Variants in KANK1 observed in about 807,000 individuals in gnomAD.
The protein encoded by KANK1 is KN motif and ankyrin repeat domain-containing protein 1.
KANK1 carries 109 observed loss-of-function variants against 106.2 expected under a neutral mutation model. That is an observed-to-expected ratio of 1.03 (90% CI 0.88 to 1.20). KANK1 has a LOEUF of 1.20. KANK1 is among the 50% of genes most tolerant of loss of function. The pLI is 0.00. For synonymous variants in KANK1, 873 were observed against 652.2 expected (o/e 1.34, Z -5.16); for missense variants, 2,399 against 1,710.7 (o/e 1.40, Z -7.10).
At chr9:567,384 T>C (rs79796295) in intron 1 of KANK1, among the ~76,000 whole-genome samples, 1,836 of 152,348 alleles carry the variant, frequency 0.012, 42 homozygotes, top group African/African-American at 0.042. Flanking sequence ...TCATTAGCTT[T>C]ACAAAGTTGA....
intron 1 of KANK1, among the ~76,000 whole-genome samples, chr9:508,884 C>G (rs2058899566): frequency 6.6e-6 from 1 of 152,118 alleles, no homozygotes; most frequent in African/African-American, 2.4e-5. Flanking sequence ...TACACAATAT[C>G]CAATACAAAT....
intron 3 of KANK1, among the ~76,000 whole-genome samples, chr9:484,974 C>T (rs2132220150): frequency 6.6e-6 from 1 of 151,990 alleles, no homozygotes; most frequent in East Asian, 1.9e-4. Flanking sequence ...ATAAATGTGT[C>T]AATGCTTTGG....
intron 1 of KANK1, among the ~76,000 whole-genome samples, chr9:625,408 T>A (rs1834110310): frequency 6.6e-6 from 1 of 152,192 alleles, no homozygotes; most frequent in Non-Finnish European, 1.5e-5. Flanking sequence ...AAACCTTGTT[T>A]CCAGTTTTCC....
Position 707,443 on chromosome 9 carries a change from G to A in KANK1, c.38-3361G>A, listed in dbSNP as rs117489690. On this transcript the variant is annotated intron_variant, in intron 2 of 11. Coordinates refer to ENST00000382297, the MANE Select transcript of KANK1 (RefSeq NM_015158.5). ...CCGGATCAGCCTGCCTGACAGCCAA[G>A]CTGCAGCTTCTCTCCTGTTAATGGA... Among the ~76,000 whole-genome samples, 923 of 152,316 alleles carry A rather than the reference G, an allele frequency of 6.1e-3. 6 individuals are homozygous for A. Among genetic ancestry groups the A allele is most frequent in the Non-Finnish European group, 8.9e-3 (603 of 68,026 alleles).
intron 3 of KANK1, among the ~76,000 whole-genome samples, chr9:728,547 A>AT (rs763118348): frequency 3.7e-4 from 56 of 152,220 alleles, no homozygotes; most frequent in Non-Finnish European, 7.1e-4. Context: ...CTTGTGGGGA[A>AT]TATCTACATT....
chr9:705,610 G>T (rs1364271974), intron 2 of KANK1, among the ~76,000 whole-genome samples: 1 of 151,626 alleles, frequency 6.6e-6, no homozygotes, highest in Admixed American at 6.6e-5. Flanking sequence ...GGGGGGGTGG[G>T]GGCGGAGATG....
Position 745,494 on chromosome 9 carries a change from A to T in KANK1, c.*259A>T, listed in dbSNP as rs1211220373. 1 of 370,492 alleles carries T rather than the reference A, an allele frequency of 2.7e-6. No homozygotes were observed. Among genetic ancestry groups the T allele is most frequent in the Admixed American group, 4.6e-5 (1 of 21,558 alleles). 23.0% of individuals were successfully genotyped at this position (370,492 alleles called of 1,614,324 possible). A position where few individuals can be genotyped will look rare whatever the true frequency, so the allele number is the denominator to read the frequency against. The stretch of plus-strand genomic sequence containing the variant: ...CTGTTGAGTCTCTGCTCCGTTTTGT[A>T]CAGTCACAGGGAATTCTGATCTGAA... On this transcript the variant is annotated 3_prime_UTR_variant, in exon 12 of 12. Transcript: ENST00000382297.
intron 1 of KANK1, among the ~76,000 whole-genome samples, chr9:526,631 C>G (rs2059804886): frequency 6.6e-6 from 1 of 151,808 alleles, no homozygotes; most frequent in Admixed American, 6.5e-5. Context: ...TTCAAAAAGT[C>G]AAGTTGTTCT....
At chr9:651,390 T>C (rs1840851322) in intron 1 of KANK1, among the ~76,000 whole-genome samples, 1 of 152,216 alleles carries the variant, frequency 6.6e-6, no homozygotes, top group South Asian at 2.1e-4. Context: ...TAATTTCTGC[T>C]TCCATCATAC....
intron 1 of KANK1, among the ~76,000 whole-genome samples, chr9:557,871 G>A (rs1815257685): frequency 6.6e-6 from 1 of 152,196 alleles, no homozygotes; most frequent in Admixed American, 6.5e-5. Context: ...TGGGCATGGT[G>A]GCACACGCCT....
At chr9:702,442 C>G (rs1004203227) in intron 2 of KANK1, among the ~76,000 whole-genome samples, 5 of 152,024 alleles carry the variant, frequency 3.3e-5, no homozygotes, top group African/African-American at 1.2e-4. Context: ...GTTCGGTGCC[C>G]CCAGCTCCGA....
At chr9:603,065 A>G (rs1219864305) in intron 1 of KANK1, among the ~76,000 whole-genome samples, 1 of 151,824 alleles carries the variant, frequency 6.6e-6, no homozygotes, top group Non-Finnish European at 1.5e-5. Flanking sequence ...TGTTTCTTAC[A>G]TATGGGGAAA....
At chr9:496,106 T>A (rs1042557134) in intron 3 of KANK1, among the ~76,000 whole-genome samples, 1 of 152,218 alleles carries the variant, frequency 6.6e-6, no homozygotes, top group African/African-American at 2.4e-5. Context: ...TTCTTGCAGC[T>A]ATTTGAACCT....
intron 1 of KANK1, among the ~76,000 whole-genome samples, chr9:630,276 G>A (rs1023702885): frequency 1.4e-5 from 2 of 145,792 alleles, no homozygotes; most frequent in South Asian, 4.5e-4. Flanking sequence ...GAGTTGGGGG[G>A]CAGGCACGGT....
intron 2 of KANK1, among the ~76,000 whole-genome samples, chr9:685,076 T>C (rs940091733): frequency 4.6e-5 from 7 of 152,196 alleles, no homozygotes. Context: ...GTTGGATATT[T>C]TTGGAGTGAG....
intron 2 of KANK1, among the ~76,000 whole-genome samples, chr9:703,920 G>C (rs1261294665): frequency 6.6e-6 from 1 of 152,040 alleles, no homozygotes; most frequent in African/African-American, 2.4e-5. Context: ...CACCATGTTG[G>C]ACAGACTGGT....
rs181612773 is a variant in KANK1, at chr9:644,036, C to T, written c.-83-32854C>T. ...TTTTTGCATGTGAGAAAATGTATGT[C>T]CTAGTGTAGTGTGGTGTGTCATTAG... On this transcript the variant is annotated intron_variant, in intron 1 of 11. Transcript: ENST00000382297. Among the ~76,000 whole-genome samples the T allele has an allele frequency of 1.5e-4, 22 of 150,908 alleles. No homozygotes were observed. In the East Asian group the frequency reaches 3.9e-3, roughly 27 times the overall value.
At chr9:659,173 A>G (rs1323889244) in intron 1 of KANK1, among the ~76,000 whole-genome samples, 1 of 152,184 alleles carries the variant, frequency 6.6e-6, no homozygotes, top group Non-Finnish European at 1.5e-5. Flanking sequence ...TTCTCAGTCA[A>G]TATTTTTGAA....
chr9:517,792 A>G (rs1330853659), intron 1 of KANK1, among the ~76,000 whole-genome samples: 10 of 149,312 alleles, frequency 6.7e-5, no homozygotes, highest in Admixed American at 6.0e-4. Flanking sequence ...AGGTTGGAGT[A>G]AAGTGGCGTG....
Sources: allele counts gnomAD v4.1 joint callset (sites outside exome capture counted in the v4.1 genomes callset), GRCh38; gene constraint gnomAD v4.1.1; transcripts MANE v1.5; gene names NCBI Gene and HGNC (gene_info 2026-07-23, HGNC 2026-07-21).